Variants in NRXN3 observed in about 807,000 individuals in gnomAD.
NRXN3 encodes the protein neurexin 3.
Under a neutral mutation model 137.6 loss-of-function variants are expected in NRXN3, and 32 were observed. That is an observed-to-expected ratio of 0.23 (90% CI 0.18 to 0.31). NRXN3 has a LOEUF of 0.31. Among genes scored for constraint, NRXN3 ranks in the 10% least tolerant of loss-of-function variants. NRXN3 has a pLI of 1.00. For synonymous variants in NRXN3, 798 were observed against 784.5 expected (o/e 1.02, Z -0.29); for missense variants, 1,574 against 2,062.5 (o/e 0.76, Z 4.59).
intron 15 of NRXN3, among the ~76,000 whole-genome samples, chr14:79,153,349 A>G (rs2059968656): frequency 2.0e-5 from 3 of 152,034 alleles, no homozygotes; most frequent in Admixed American, 1.3e-4. Context: ...ATGATTATAT[A>G]TGCATATGTG....
At chr14:79,020,179 C>T (rs1454352520) in intron 15 of NRXN3, among the ~76,000 whole-genome samples, 15 of 6,238 alleles carry the variant, frequency 2.4e-3, no homozygotes, top group Non-Finnish European at 3.5e-3. Flanking sequence ...CTTCCCTTCC[C>T]TTCCCTTCCC....
chr14:78,180,984 G>A (rs778771499), intron 1 of NRXN3, among the ~76,000 whole-genome samples: 18 of 152,196 alleles, frequency 1.2e-4, no homozygotes, highest in Non-Finnish European at 2.5e-4. Context: ...AGGGACAAGA[G>A]CCTGTCCTCG....
rs1195630598 is a variant in NRXN3 at position 78,477,060 on chromosome 14, T to C, written c.758-168060T>C. On this transcript the variant is annotated intron_variant, in intron 4 of 20. Coordinates refer to ENST00000335750, the MANE Select transcript of NRXN3 (RefSeq NM_001330195.2). The stretch of plus-strand genomic sequence containing the variant: ...TTAACCCCTGTCCATACAGGAACTT[T>C]GTACACTCTGCTGTATTCTCCATCT... Among the ~76,000 whole-genome samples the C allele has an allele frequency of 2.6e-5, 4 of 152,362 alleles. No individual in the cohort carries two copies. The East Asian group carries it at 7.7e-4, about 29-fold the overall frequency.
intron 1 of NRXN3, among the ~76,000 whole-genome samples, chr14:78,228,400 C>T (rs564611619): frequency 6.6e-6 from 1 of 152,210 alleles, no homozygotes; most frequent in South Asian, 2.1e-4. Flanking sequence ...AAGTGATCTG[C>T]CTGCTTTGGC....
rs558989640 is a variant in NRXN3, at chr14:78,767,548, G to A, written c.2045-36072G>A. Reference sequence around the variant, plus strand: ...ATACCCCTGGCATGTGTCGCAGAGCGCCCTCTTGTCTGTGTGGGTTACTAA... The same window carrying A: ...ATACCCCTGGCATGTGTCGCAGAGCACCCTCTTGTCTGTGTGGGTTACTAA... On this transcript the variant is annotated intron_variant, in intron 8 of 20. Transcript: ENST00000335750. Among the ~76,000 whole-genome samples the A allele has an allele frequency of 9.9e-5, 15 of 152,248 alleles. No homozygotes were observed. The South Asian group carries it at 1.0e-3, about 11-fold the overall frequency.
At position 78,967,275 on chromosome 14, in the gene NRXN3, C is replaced by T; in HGVS notation, c.2845C>T (p.Leu949=). 4 of 1,613,864 alleles carry T rather than the reference C, an allele frequency of 2.5e-6. No homozygotes were observed. The highest frequency in any genetic ancestry group is 2.2e-5 in the East Asian group (1 of 44,850). Residue 949 remains leucine (L), a synonymous_variant, in exon 13 of 21, where the codon CTG becomes TTG. Transcript: ENST00000335750. ...NVIKGNSDRP[L]NDNQWHNVVI... is the part of the protein sequence containing the mutation. ...GATCAAAGGCAACAGTGACCGCCCC[C>T]TGAATGACAACCAGTGGCACAATGT...
At chr14:79,216,336 CT>C (rs1319251760) in intron 15 of NRXN3, among the ~76,000 whole-genome samples, 2 of 152,156 alleles carry the variant, frequency 1.3e-5, no homozygotes, top group Non-Finnish European at 2.9e-5. Context: ...GCTGCATTGC[CT>C]TTTCTGACCT....
At chr14:78,265,082 G>T (rs572206341) in intron 2 of NRXN3, among the ~76,000 whole-genome samples, 2 of 152,142 alleles carry the variant, frequency 1.3e-5, no homozygotes, top group Non-Finnish European at 2.9e-5. Flanking sequence ...TGCCACTGCC[G>T]TACTCTTTTT....
chr14:79,169,124 T>C (rs1263339915), intron 15 of NRXN3, among the ~76,000 whole-genome samples: 1 of 152,122 alleles, frequency 6.6e-6, no homozygotes, highest in Non-Finnish European at 1.5e-5. Context: ...CTTGAAAATA[T>C]GTTGAATTAC....
At chr14:79,071,490 T>C (rs2099687721) in intron 15 of NRXN3, among the ~76,000 whole-genome samples, 1 of 152,160 alleles carries the variant, frequency 6.6e-6, no homozygotes, top group Non-Finnish European at 1.5e-5. Context: ...TATCACCCTT[T>C]TGTCATGTAT....
intron 1 of NRXN3, among the ~76,000 whole-genome samples, chr14:78,214,135 T>C (rs2063021486): frequency 6.6e-6 from 1 of 152,218 alleles, no homozygotes. Context: ...TCTGGGCCCT[T>C]TCTAGCCCTC....
intron 16 of NRXN3, among the ~76,000 whole-genome samples, chr14:79,600,870 T>C (rs1044288181): frequency 2.0e-5 from 3 of 146,502 alleles, no homozygotes; most frequent in Non-Finnish European, 3.0e-5. Flanking sequence ...AGGAAGAAAA[T>C]GCAGAAAGAA....
chr14:79,633,564 A>T (rs1290778583), intron 16 of NRXN3, among the ~76,000 whole-genome samples: 1 of 146,656 alleles, frequency 6.8e-6, no homozygotes, highest in East Asian at 2.0e-4. Context: ...TGCTCAATAA[A>T]TATTTATCAA....
At chr14:79,748,035 G>T (rs549425384) in intron 19 of NRXN3, among the ~76,000 whole-genome samples, 115 of 152,078 alleles carry the variant, frequency 7.6e-4, no homozygotes, top group African/African-American at 2.5e-3. Context: ...AACACACATT[G>T]GGGCCTGTCG....
At chr14:79,664,321 T>C (rs1011022147) in intron 17 of NRXN3, among the ~76,000 whole-genome samples, 3 of 152,112 alleles carry the variant, frequency 2.0e-5, no homozygotes, top group Non-Finnish European at 4.4e-5. Flanking sequence ...ACCCAGACTT[T>C]GTGGTGCCAT....
chr14:79,857,304 C>A (rs2141872379), intron 20 of NRXN3, among the ~76,000 whole-genome samples: 1 of 152,274 alleles, frequency 6.6e-6, no homozygotes. Context: ...TCACTGCAAG[C>A]TCTGCCTCCC....
At chr14:79,321,569 G>C (rs1207764899) in intron 15 of NRXN3, among the ~76,000 whole-genome samples, 2 of 151,842 alleles carry the variant, frequency 1.3e-5, no homozygotes, top group African/African-American at 2.4e-5. Context: ...CTTGAGTTCA[G>C]TTGAATTATT....
intron 4 of NRXN3, among the ~76,000 whole-genome samples, chr14:78,442,920 C>T (rs999942543): frequency 3.9e-5 from 6 of 152,146 alleles, no homozygotes; most frequent in Admixed American, 2.6e-4. Flanking sequence ...TACCTCATTG[C>T]GTTTTGTATT....
chr14:79,105,283 A>T (rs1268476374), intron 15 of NRXN3, among the ~76,000 whole-genome samples: 1 of 152,122 alleles, frequency 6.6e-6, no homozygotes, highest in Non-Finnish European at 1.5e-5. Flanking sequence ...TTATCTCTAC[A>T]AACCATCTCA....
Sources: allele counts gnomAD v4.1 joint callset (sites outside exome capture counted in the v4.1 genomes callset), GRCh38; gene constraint gnomAD v4.1.1; transcripts MANE v1.5; gene names NCBI Gene and HGNC (gene_info 2026-07-23, HGNC 2026-07-21).